DZANK1: variants seen among roughly 807,000 people sequenced by gnomAD.
DZANK1 encodes the protein double zinc ribbon and ankyrin repeat domains 1, also known as double zinc ribbon and ankyrin repeat-containing protein 1.
DZANK1 carries 91 observed loss-of-function variants against 94.5 expected under a neutral mutation model. The observed-to-expected ratio is 0.96, with a 90% CI of 0.81 to 1.15. The LOEUF is 1.15. DZANK1 is among the 50% of genes most tolerant of loss of function. The probability of loss-of-function intolerance (pLI) is 0.00; values close to 1 mark genes in which losing one functional copy is unlikely to be tolerated. For missense variants in DZANK1, 903 were observed against 916.4 expected, an observed-to-expected ratio of 0.99 and a Z score of 0.19; for synonymous variants, 312 against 325.3, an observed-to-expected ratio of 0.96 and a Z score of 0.44.
At chr20:18,425,121 A>G (rs1009806206) in intron 10 of DZANK1, among the ~76,000 whole-genome samples, 10 of 152,226 alleles carry the variant, frequency 6.6e-5, no homozygotes, top group African/African-American at 2.4e-4. Context: ...GCTATATATA[A>G]TTACCAACAT....
chr20:18,395,916 A>G (rs1411879028), intron 15 of DZANK1, among the ~76,000 whole-genome samples: 1 of 152,172 alleles, frequency 6.6e-6, no homozygotes, highest in Non-Finnish European at 1.5e-5. Flanking sequence ...TCCCAATTTC[A>G]ACAACACCAT....
At chr20:18,391,928 T>G (rs980581390) in intron 17 of DZANK1, among the ~76,000 whole-genome samples, 1 of 152,270 alleles carries the variant, frequency 6.6e-6, no homozygotes, top group Non-Finnish European at 1.5e-5. Flanking sequence ...TTGTTTACAC[T>G]GATTTCCATT....
intron 14 of DZANK1, among the ~76,000 whole-genome samples, chr20:18,397,704 G>T (rs1299512681): frequency 6.6e-6 from 1 of 152,178 alleles, no homozygotes; most frequent in South Asian, 2.1e-4. Context: ...AGACTCAAAT[G>T]GCTAGAGGTG....
chr20:18,457,682 C>T (rs2059336646), intron 3 of DZANK1, among the ~76,000 whole-genome samples: 1 of 152,150 alleles, frequency 6.6e-6, no homozygotes, highest in Non-Finnish European at 1.5e-5. Context: ...TACATTCCAG[C>T]CAATTGGAAG....
In DZANK1 at chr20:18,443,327, T is replaced by G. The variant is rs1360666043; in HGVS notation, c.747+20A>C. On this transcript the variant is annotated intron_variant, in intron 8 of 20. Transcript: ENST00000262547. The stretch of plus-strand genomic sequence containing the variant: ...TCAGATCAACCAATGAAAGATGTTT[T>G]TAAGAATTCTGCTGCTCACCTGAGC... 8.2e-6 allele frequency: 12 copies of G among 1,466,610 alleles called. No individual in the cohort carries two copies. The highest frequency in any genetic ancestry group is 1.1e-5 in the Non-Finnish European group (12 of 1,070,704). 90.8% of individuals were successfully genotyped at this position (1,466,610 alleles called of 1,614,324 possible).
chr20:18,456,493 C>T (rs190539999), intron 3 of DZANK1, among the ~76,000 whole-genome samples: 2 of 152,306 alleles, frequency 1.3e-5, no homozygotes, highest in African/African-American at 4.8e-5. Flanking sequence ...GTAATGTACA[C>T]AATTTTGTGA....
chr20:18,394,544 C>T, intron 15 of DZANK1, 194 bp from the exon 16 acceptor site: 2 of 693,022 alleles, frequency 2.9e-6, no homozygotes, highest in South Asian at 2.9e-5. Flanking sequence ...CTGCCCCTTA[C>T]CCGCGGCTCA....
At chr20:18,423,149 T>C (rs1435740059) in intron 10 of DZANK1, among the ~76,000 whole-genome samples, 1 of 152,152 alleles carries the variant, frequency 6.6e-6, no homozygotes, top group East Asian at 1.9e-4. Context: ...TGAGTAAAGT[T>C]TGCAACCTAG....
At chr20:18,444,663 C>T (rs1323300531) in intron 7 of DZANK1, among the ~76,000 whole-genome samples, 4 of 152,112 alleles carry the variant, frequency 2.6e-5, no homozygotes, top group South Asian at 2.1e-4. Flanking sequence ...TCATATTTAC[C>T]GAGGTATCAG....
chr20:18,398,944 CA>C (rs1367867584), intron 13 of DZANK1, among the ~76,000 whole-genome samples: 2 of 151,756 alleles, frequency 1.3e-5, no homozygotes, highest in African/African-American at 4.8e-5. Flanking sequence ...CCAGCCTGGC[CA>C]ACATGGTGAA....
chr20:18,464,964 C>T (rs971390736), intron 2 of DZANK1, among the ~76,000 whole-genome samples: 1 of 151,248 alleles, frequency 6.6e-6, no homozygotes. Context: ...TGTGAACCAC[C>T]GCACCCGGCC....
At chr20:18,452,935 C>T (rs1406595673) in intron 5 of DZANK1, among the ~76,000 whole-genome samples, 196 bp from the exon 6 acceptor site, 1 of 152,188 alleles carries the variant, frequency 6.6e-6, no homozygotes, top group African/African-American at 2.4e-5. Context: ...CAAGCCCAGA[C>T]TGAGAAGATC....
intron 13 of DZANK1, among the ~76,000 whole-genome samples, chr20:18,410,471 T>G (rs760203653): frequency 6.6e-6 from 1 of 152,032 alleles, no homozygotes; most frequent in East Asian, 1.9e-4. Context: ...CTGGAAAATA[T>G]GCAATGCAAA....
chr20:18,419,027 C>T (rs1251286703), intron 10 of DZANK1, among the ~76,000 whole-genome samples: 9 of 151,966 alleles, frequency 5.9e-5, no homozygotes, highest in Admixed American at 1.3e-4. Flanking sequence ...TTTGGGAGGC[C>T]GAGACAGGTG....
At chr20:18,415,561 T>C (rs2057453718) in intron 10 of DZANK1, 112 bp from the exon 11 acceptor site, 3 of 1,161,062 alleles carry the variant, frequency 2.6e-6, no homozygotes, top group African/African-American at 1.7e-5. Flanking sequence ...GGAAATAGTG[T>C]TTTTTTTGTT....
chr20:18,394,572 C>T lies in DZANK1; in HGVS notation c.1612-222G>A, dbSNP rs1014046240. The T allele has an allele frequency of 3.2e-5, 22 of 684,450 alleles. No homozygotes were observed. The East Asian group carries it at 6.2e-4, about 19-fold the overall frequency. The allele number at this position is 684,450 out of a possible 1,614,324, so 42.4% of individuals were successfully genotyped here. ...GCGGCTCAGTCTGGCCCCTCCTCCTCTCCCTCCCTGAAGCCCCAGCCCCCT... is the reference window on the plus strand; with the variant it reads ...GCGGCTCAGTCTGGCCCCTCCTCCTTTCCCTCCCTGAAGCCCCAGCCCCCT... On this transcript the variant is annotated intron_variant, in intron 15 of 20. Coordinates refer to ENST00000262547, the Ensembl canonical transcript of DZANK1.
chr20:18,405,089 G>A (rs1048665560), intron 13 of DZANK1, among the ~76,000 whole-genome samples: 3 of 151,480 alleles, frequency 2.0e-5, no homozygotes, highest in African/African-American at 7.3e-5. Flanking sequence ...CCAGTTGCTT[G>A]GGAGGCTGAG....
exon 21 of DZANK1, chr20:18,383,616 G>A (rs966882064): frequency 9.9e-5 from 15 of 152,272 alleles, no homozygotes; most frequent in African/African-American, 3.6e-4. Context: ...ATGTTTATAT[G>A]CTATGTGTAC....
rs1338773539 is a variant in DZANK1, at chr20:18,441,819, T to C, written c.747+1528A>G. Among the ~76,000 whole-genome samples the C allele has an allele frequency of 6.6e-6, 1 of 152,208 alleles. No individual in the cohort carries two copies. Among genetic ancestry groups the C allele is most frequent in the Non-Finnish European group, 1.5e-5 (1 of 68,024 alleles). On this transcript the variant is annotated intron_variant, in intron 8 of 20. Coordinates refer to ENST00000262547, the Ensembl canonical transcript of DZANK1. This position sits in a 1 kb window ranked among gnomAD's most constrained non-coding sequence, Gnocchi z 4.1. ...TGGCTGGAACTTGCTGGAAAGTTGCTACTGGGATGCCCCAAAGACTATCTG... is the reference window on the plus strand; with the variant it reads ...TGGCTGGAACTTGCTGGAAAGTTGCCACTGGGATGCCCCAAAGACTATCTG...
Sources: gnomAD v4.1 joint callset for allele counts (sites outside exome capture counted in the v4.1 genomes callset) on GRCh38, gnomAD v4.1.1 for gene constraint, Gnocchi (gnomAD v3.1) non-coding constraint, MANE v1.5 for transcripts, NCBI Gene and HGNC (gene_info 2026-07-23, HGNC 2026-07-21) for gene names.